The following ATOSA variants were observed in gnomAD, a reference collection of about 807,000 sequenced individuals.
ATOSA encodes the protein atos homolog A, also known as atos homolog protein A.
At chr15:52,677,702 G>A in the ATOSA span, among the ~76,000 whole-genome samples, 1 of 152,184 alleles carries the variant, frequency 6.6e-6, no homozygotes, top group Non-Finnish European at 1.5e-5. Context: ...AAACGAGCAA[G>A]TACAACTCTA....
At chr15:52,691,968 CT>C in the ATOSA span, among the ~76,000 whole-genome samples, 88 of 151,304 alleles carry the variant, frequency 5.8e-4, no homozygotes, top group South Asian at 1.5e-3. Flanking sequence ...CAGATCATGC[CT>C]TTTTTTTTCC....
the ATOSA span, chr15:52,585,107 AAAT>A: frequency 1.8e-6 from 1 of 542,948 alleles, no homozygotes. Flanking sequence ...AAAGTTTAAG[AAAT>A]AATATTATTT....
At chr15:52,584,237 C>T in the ATOSA span, among the ~76,000 whole-genome samples, 3 of 150,902 alleles carry the variant, frequency 2.0e-5, no homozygotes, top group African/African-American at 7.3e-5. Context: ...CTCCACCTCC[C>T]GGGTTCAAGC....
chr15:52,698,477 CA>C, the ATOSA span, among the ~76,000 whole-genome samples: 1 of 152,108 alleles, frequency 6.6e-6, no homozygotes, highest in East Asian at 1.9e-4. Context: ...TCATAATATC[CA>C]AAAGATGAAA....
At chr15:52,702,082 C>T in the ATOSA span, among the ~76,000 whole-genome samples, 1 of 152,242 alleles carries the variant, frequency 6.6e-6, no homozygotes, top group South Asian at 2.1e-4. Flanking sequence ...CCATTTCATA[C>T]CAGTCCGAAT....
the ATOSA span, chr15:52,648,648 C>G: frequency 2.0e-5 from 3 of 152,008 alleles, no homozygotes; most frequent in South Asian, 6.2e-4. Flanking sequence ...AAACAGAAAC[C>G]AACATAAATT....
the ATOSA span, among the ~76,000 whole-genome samples, chr15:52,653,145 C>T: frequency 2.6e-5 from 4 of 152,156 alleles, no homozygotes; most frequent in Non-Finnish European, 5.9e-5. Flanking sequence ...AGGCTGAGGC[C>T]GCAGCAGAAG....
the ATOSA span, among the ~76,000 whole-genome samples, chr15:52,615,498 C>G: frequency 6.6e-6 from 1 of 152,108 alleles, no homozygotes; most frequent in Admixed American, 6.5e-5. Flanking sequence ...GTTTTGAAAC[C>G]TTTACAATTC....
the ATOSA span, among the ~76,000 whole-genome samples, chr15:52,645,960 GT>G: frequency 5.3e-5 from 8 of 152,242 alleles, no homozygotes; most frequent in South Asian, 2.1e-4. Context: ...TCCCAGTGCT[GT>G]TTTTTTCCCC....
At chr15:52,600,492 A>T in the ATOSA span, among the ~76,000 whole-genome samples, 1 of 152,174 alleles carries the variant, frequency 6.6e-6, no homozygotes, top group Non-Finnish European at 1.5e-5. Context: ...AACTCTACTC[A>T]AACTACCATA....
the ATOSA span, among the ~76,000 whole-genome samples, chr15:52,683,771 T>C: frequency 6.6e-6 from 1 of 152,236 alleles, no homozygotes; most frequent in African/African-American, 2.4e-5. Flanking sequence ...CTTGAGAGCA[T>C]ACGTTCTTAC....
At chr15:52,702,347 C>A in the ATOSA span, among the ~76,000 whole-genome samples, 1 of 152,112 alleles carries the variant, frequency 6.6e-6, no homozygotes, top group African/African-American at 2.4e-5. Context: ...AGCAAAGATA[C>A]AGACTTAACC....
chr15:52,679,071 GC>G, the ATOSA span: 1 of 152,720 alleles, frequency 6.5e-6, no homozygotes, highest in Non-Finnish European at 1.5e-5. Context: ...GAGCGCAGCG[GC>G]CCCCGCGGCT....
chr15:52,630,451 T>C, the ATOSA span, among the ~76,000 whole-genome samples: 1 of 152,174 alleles, frequency 6.6e-6, no homozygotes. Context: ...GAATATAAGA[T>C]GTAGAACTCC....
the ATOSA span, among the ~76,000 whole-genome samples, chr15:52,612,630 G>A: frequency 3.3e-5 from 5 of 150,672 alleles, no homozygotes; most frequent in Admixed American, 2.0e-4. Flanking sequence ...TCAGCCTCCC[G>A]AGTAGCTGAG....
At chr15:52,684,725 C>CT in the ATOSA span, among the ~76,000 whole-genome samples, 1,604 of 152,166 alleles carry the variant, frequency 0.011, 15 homozygotes, top group Non-Finnish European at 0.015. Context: ...TTCTTTCTTT[C>CT]TTTTTTTCAA....
the ATOSA span, among the ~76,000 whole-genome samples, chr15:52,618,354 C>A: frequency 1.3e-5 from 2 of 151,904 alleles, no homozygotes; most frequent in Admixed American, 1.3e-4. Flanking sequence ...TTTCTTCACT[C>A]TTAACAAGGA....
the ATOSA span, among the ~76,000 whole-genome samples, chr15:52,671,538 G>A: frequency 6.6e-6 from 1 of 152,020 alleles, no homozygotes; most frequent in Non-Finnish European, 1.5e-5. Flanking sequence ...CAAGGTTTCC[G>A]GACTCACAAA....
chr15:52,630,012 G>C, the ATOSA span, among the ~76,000 whole-genome samples: 1 of 152,072 alleles, frequency 6.6e-6, no homozygotes, highest in South Asian at 2.1e-4. Context: ...ACAGGTTAGG[G>C]CAGGACGTTG....
Sources: allele counts gnomAD v4.1 joint callset (sites outside exome capture counted in the v4.1 genomes callset), GRCh38; gene constraint gnomAD v4.1.1; transcripts MANE v1.5; gene names NCBI Gene and HGNC (gene_info 2026-07-23, HGNC 2026-07-21).